NFAT5: variants seen among roughly 807,000 people sequenced by gnomAD.
NFAT5 encodes the protein nuclear factor of activated T cells 5, also known as nuclear factor of activated T-cells 5.
A neutral mutation model predicts 166.5 loss-of-function variants in NFAT5; 31 were observed. That is an observed-to-expected ratio of 0.19 (90% CI 0.14 to 0.25). The LOEUF is 0.25. Among genes scored for constraint, NFAT5 ranks in the 10% least tolerant of loss-of-function variants. The pLI is 1.00. For synonymous variants in NFAT5, 612 were observed against 639.7 expected (o/e 0.96, Z 0.65); for missense variants, 1,449 against 1,821.8 (o/e 0.80, Z 3.72).
chr16:69,605,177 C>G (rs13330277), intron 2 of NFAT5, among the ~76,000 whole-genome samples: 1 of 152,050 alleles, frequency 6.6e-6, no homozygotes, highest in African/African-American at 2.4e-5. Flanking sequence ...TGGTGGCTCA[C>G]GCCTGTAATC....
chr16:69,660,218 T>G (rs2036062829), intron 7 of NFAT5, among the ~76,000 whole-genome samples: 2 of 152,146 alleles, frequency 1.3e-5, no homozygotes, highest in Non-Finnish European at 2.9e-5. Flanking sequence ...CCCAGGAGTT[T>G]AAGACCAGCC....
At chr16:69,627,828 C>A (rs2034537155) in intron 3 of NFAT5, among the ~76,000 whole-genome samples, 7 of 152,056 alleles carry the variant, frequency 4.6e-5, no homozygotes, top group Admixed American at 4.6e-4. Flanking sequence ...CCACTGGGTT[C>A]TAAAATGGCT....
chr16:69,685,513 C>T (rs983391161), intron 11 of NFAT5: 1 of 150,518 alleles, frequency 6.6e-6, no homozygotes, highest in African/African-American at 2.5e-5. Flanking sequence ...TGCCACTGTA[C>T]TCCAGCCTGG....
In NFAT5 at chr16:69,700,326, G is replaced by GA; in HGVS notation, c.*3980dup. 6.6e-6 allele frequency: 1 copy of GA among 152,166 alleles called. No homozygotes were observed. The highest frequency in any genetic ancestry group is 2.1e-4 in the South Asian group (1 of 4,814). The allele number at this position is 152,166 out of a possible 1,614,324, so 9.4% of individuals were successfully genotyped here. A position where few individuals can be genotyped will look rare whatever the true frequency, so the allele number is the denominator to read the frequency against. ...TCAGAACCTCAGCTAATCTACCTAG[G>GA]AAAAATAGTATCAAAGGAAATGAGA... On this transcript the variant is annotated 3_prime_UTR_variant, in exon 15 of 15. Coordinates refer to ENST00000349945, the MANE Select transcript of NFAT5 (RefSeq NM_138713.4).
chr16:69,669,030 A>C (rs2151668977), intron 7 of NFAT5, among the ~76,000 whole-genome samples: 1 of 151,846 alleles, frequency 6.6e-6, no homozygotes, highest in Admixed American at 6.6e-5. Flanking sequence ...AGTAGCTGGG[A>C]ATTGCATGTG....
chr16:69,599,731 ATG>A (rs1485599410), intron 2 of NFAT5, among the ~76,000 whole-genome samples: 1 of 152,172 alleles, frequency 6.6e-6, no homozygotes, highest in East Asian at 1.9e-4. Flanking sequence ...ATGGAGATAA[ATG>A]TGGAGTTTTC....
At position 69,662,700 on chromosome 16, in the gene NFAT5, TCTGC is replaced by T. The variant is rs572367388; in HGVS notation, c.1369+2808_1369+2811del. Among the ~76,000 whole-genome samples the T allele has an allele frequency of 2.9e-3, 436 of 152,190 alleles. 2 individuals are homozygous for T. Among genetic ancestry groups the T allele is most frequent in the African/African-American group, 9.9e-3 (410 of 41,536 alleles). On this transcript the variant is annotated intron_variant, in intron 7 of 14. Transcript: ENST00000349945. The stretch of plus-strand genomic sequence containing the variant: ...TGGTCTCGATCTCCTGAGCTCGTGA[TCTGC>T]CTGCCTCGGCCTCCCAAAGTGCTGG...
chr16:69,598,912 G>A (rs2032966022), intron 2 of NFAT5, among the ~76,000 whole-genome samples: 2 of 151,850 alleles, frequency 1.3e-5, no homozygotes, highest in South Asian at 4.2e-4. Context: ...TACTCAGGAG[G>A]GTGAGGCAGG....
rs147145018 is a variant in NFAT5 at position 69,653,287 on chromosome 16, T to G, written c.864T>G (p.Cys288Trp). The G allele has an allele frequency of 2.5e-6, 4 of 1,610,474 alleles. No individual in the cohort carries two copies. The African/African-American group carries it at 4.0e-5, about 16-fold the overall frequency. The change falls in exon 5 of 15, where the codon TGT becomes TGG. Residue 288 changes from cysteine (C) to tryptophan (W), a missense_variant. Transcript: ENST00000349945. Reference protein sequence around the residue: ...GTGVKKSPMLCGQYPVKSEGK... With the variant: ...GTGVKKSPMLWGQYPVKSEGK... ...GAGTAAAGAAGAGCCCTATGTTGTG[T>G]GGACAATATCCTGTTAAAAGTGAGG...
At chr16:69,656,055 T>G (rs1191231235) in intron 6 of NFAT5, among the ~76,000 whole-genome samples, 1 of 152,060 alleles carries the variant, frequency 6.6e-6, no homozygotes, top group Non-Finnish European at 1.5e-5. Flanking sequence ...CTGAGGCTGG[T>G]GGATCACCTG....
intron 1 of NFAT5, among the ~76,000 whole-genome samples, chr16:69,567,069 C>T (rs2142883552): frequency 1.3e-5 from 2 of 152,112 alleles, no homozygotes; most frequent in Non-Finnish European, 2.9e-5. Flanking sequence ...ATTACTTCTC[C>T]CTTCTCCTTT....
rs532767953 is a variant in NFAT5 at position 69,685,185 on chromosome 16, TATA to T, written c.1774+216_1774+218del. ...GAATATGTTTTTATATATATATATA[TATA>T]TATTTTTTTTTTTAAGTATATTGGA... On this transcript the variant is annotated intron_variant, in intron 11 of 14. Transcript: ENST00000349945. 3.4e-3 allele frequency: 420 copies of T among 122,536 alleles called. 1 individual carries two copies. Among genetic ancestry groups the T allele is most frequent in the Middle Eastern group, 0.011 (3 of 276 alleles). 7.6% of individuals were successfully genotyped at this position (122,536 alleles called of 1,614,324 possible).
intron 3 of NFAT5, among the ~76,000 whole-genome samples, chr16:69,630,980 G>A (rs1043083196): frequency 2.0e-5 from 3 of 152,066 alleles, no homozygotes; most frequent in Admixed American, 2.0e-4. Flanking sequence ...TTCATTTTAA[G>A]AAATCAAGTT....
intron 10 of NFAT5, 46 bp from the exon 11 acceptor site, chr16:69,684,841 T>G: frequency 3.1e-6 from 4 of 1,288,008 alleles, no homozygotes; most frequent in Non-Finnish European, 3.3e-6. Flanking sequence ...ACGAGGTTTT[T>G]AGGATGAGTA....
At chr16:69,612,073 T>G (rs2033728467) in intron 2 of NFAT5, among the ~76,000 whole-genome samples, 1 of 152,238 alleles carries the variant, frequency 6.6e-6, no homozygotes, top group Non-Finnish European at 1.5e-5. Flanking sequence ...ATTTATTACC[T>G]CTTATTTATT....
rs2037945288 is a variant in NFAT5 at position 69,704,208 on chromosome 16, A to G, written c.*7857A>G. The G allele has an allele frequency of 1.3e-5, 2 of 152,720 alleles. 1 individual carries two copies. The highest frequency in any genetic ancestry group is 6.8e-3 in the Middle Eastern group (2 of 294). The allele number at this position is 152,720 out of a possible 1,614,324, so 9.5% of individuals were successfully genotyped here. Reference sequence around the variant, plus strand: ...TGCTTACCTTGTTTCCTTTTAATTGATAAGCTCCAAGTAGTTGCTAATTTT... The same window carrying G: ...TGCTTACCTTGTTTCCTTTTAATTGGTAAGCTCCAAGTAGTTGCTAATTTT... On this transcript the variant is annotated 3_prime_UTR_variant, in exon 15 of 15. Transcript: ENST00000349945.
chr16:69,677,718 TGA>T (rs2036886900), intron 10 of NFAT5, among the ~76,000 whole-genome samples: 2 of 152,124 alleles, frequency 1.3e-5, no homozygotes, highest in African/African-American at 4.8e-5. Flanking sequence ...GGGTACATTT[TGA>T]GAGAGAGAAG....
intron 2 of NFAT5, among the ~76,000 whole-genome samples, chr16:69,610,375 T>A (rs1051907667): frequency 3.3e-5 from 5 of 152,198 alleles, no homozygotes; most frequent in African/African-American, 1.2e-4. Context: ...TTTTCATCTC[T>A]AAGATTATGG....
intron 2 of NFAT5, among the ~76,000 whole-genome samples, chr16:69,584,144 T>A (rs2031883096): frequency 6.6e-6 from 1 of 152,094 alleles, no homozygotes; most frequent in African/African-American, 2.4e-5. Context: ...GGGAATCGTT[T>A]GAACCCTGGA....
Sources: gnomAD v4.1 joint callset for allele counts (sites outside exome capture counted in the v4.1 genomes callset) on GRCh38, gnomAD v4.1.1 for gene constraint, MANE v1.5 for transcripts, NCBI Gene and HGNC (gene_info 2026-07-23, HGNC 2026-07-21) for gene names.